VAV3: variants seen among roughly 807,000 people sequenced by gnomAD.
The protein encoded by VAV3 is guanine nucleotide exchange factor VAV3.
In VAV3, 94 loss-of-function variants were observed where a neutral mutation model predicts 131.2. That is an observed-to-expected ratio of 0.72 (90% CI 0.61 to 0.85). VAV3 has a LOEUF of 0.85. VAV3 is among the 40% of genes least tolerant of loss of function. The probability of loss-of-function intolerance (pLI) is 0.00; values close to 1 mark genes in which losing one functional copy is unlikely to be tolerated. For missense variants in VAV3, 939 were observed against 1,002.7 expected (o/e 0.94, Z 0.86); for synonymous variants, 349 against 342.0 (o/e 1.02, Z -0.22).
intron 2 of VAV3, among the ~76,000 whole-genome samples, chr1:107,852,683 A>G (rs1669280121): frequency 6.6e-6 from 1 of 152,178 alleles, no homozygotes; most frequent in Non-Finnish European, 1.5e-5. Context: ...AAATTATTAA[A>G]TTAACATTAT....
At chr1:107,848,399 T>C (rs578182891) in intron 2 of VAV3, among the ~76,000 whole-genome samples, 25 of 151,572 alleles carry the variant, frequency 1.6e-4, no homozygotes, top group South Asian at 2.1e-4. Flanking sequence ...GTTTCATCCC[T>C]GGGATGCAAG....
At chr1:107,586,443 C>T (rs1307125816) in intron 25 of VAV3, among the ~76,000 whole-genome samples, 5 of 151,914 alleles carry the variant, frequency 3.3e-5, no homozygotes, top group Non-Finnish European at 5.9e-5. Flanking sequence ...TGCTTGGATT[C>T]GACTGAAATA....
At chr1:107,697,672 T>C (rs537870231) in intron 17 of VAV3, among the ~76,000 whole-genome samples, 3 of 152,304 alleles carry the variant, frequency 2.0e-5, no homozygotes, top group African/African-American at 7.2e-5. Context: ...ATTTATGACC[T>C]TGTTTCTTCA....
intron 2 of VAV3, among the ~76,000 whole-genome samples, chr1:107,827,141 C>T (rs1302286226): frequency 9.9e-5 from 15 of 151,978 alleles, no homozygotes; most frequent in Non-Finnish European, 1.9e-4. Flanking sequence ...CCTGAACTAC[C>T]TATGACGACA....
chr1:107,947,243 C>T (rs1040238622), intron 1 of VAV3, among the ~76,000 whole-genome samples: 20 of 152,276 alleles, frequency 1.3e-4, no homozygotes, highest in African/African-American at 4.1e-4. Context: ...ACAGACAAAT[C>T]GACAGATTCA....
At chr1:107,638,797 T>C (rs140195348) in intron 20 of VAV3, among the ~76,000 whole-genome samples, 39 of 152,152 alleles carry the variant, frequency 2.6e-4, no homozygotes, top group African/African-American at 9.4e-4. Flanking sequence ...GCTACAGTAA[T>C]CAAGACAGCA....
chr1:107,606,255 A>G (rs1306148283), intron 22 of VAV3, among the ~76,000 whole-genome samples: 1 of 152,158 alleles, frequency 6.6e-6, no homozygotes, highest in Non-Finnish European at 1.5e-5. Flanking sequence ...TAGGTGAGAA[A>G]TTATTTTGCC....
Position 107,766,555 on chromosome 1 carries a change from G to T in VAV3, c.718-5C>A. Reference sequence around the variant, plus strand: ...CCGATGAAGTTTTACAAGTTCCTAAGAAAAGAAAACAATGTGAAAGGAAAG... The same window carrying T: ...CCGATGAAGTTTTACAAGTTCCTAATAAAAGAAAACAATGTGAAAGGAAAG... On this transcript the variant is annotated splice_polypyrimidine_tract_variant and splice_region_variant and intron_variant, in intron 7 of 26. Transcript: ENST00000370056. 6.2e-7 allele frequency: 1 copy of T among 1,607,454 alleles called. No individual in the cohort carries two copies. The highest frequency in any genetic ancestry group is 1.1e-5 in the South Asian group (1 of 90,434).
intron 15 of VAV3, among the ~76,000 whole-genome samples, chr1:107,716,250 C>T (rs190480229): frequency 2.0e-4 from 30 of 152,196 alleles, no homozygotes; most frequent in African/African-American, 6.0e-4. Context: ...AACTTTAAAA[C>T]GTTAAATGTG....
intron 15 of VAV3, among the ~76,000 whole-genome samples, chr1:107,729,808 A>G (rs932558388): frequency 5.3e-5 from 8 of 152,198 alleles, no homozygotes; most frequent in Non-Finnish European, 1.0e-4. Context: ...ATAAATACAA[A>G]AATTATTTTT....
intron 11 of VAV3, among the ~76,000 whole-genome samples, chr1:107,756,618 A>G (rs1664113425): frequency 6.6e-6 from 1 of 151,976 alleles, no homozygotes; most frequent in African/African-American, 2.4e-5. Context: ...TTATTGGCAA[A>G]TATTATTTCG....
intron 1 of VAV3, among the ~76,000 whole-genome samples, chr1:107,899,419 T>A (rs1477949561): frequency 2.6e-5 from 4 of 152,158 alleles, no homozygotes; most frequent in African/African-American, 9.7e-5. Context: ...TTCAACGACC[T>A]TACAGCCCAC....
chr1:107,903,037 C>A (rs186368137), intron 1 of VAV3, among the ~76,000 whole-genome samples: 1 of 152,062 alleles, frequency 6.6e-6, no homozygotes, highest in Non-Finnish European at 1.5e-5. Flanking sequence ...ATTTTAAGGA[C>A]TAGGAAGGGC....
intron 1 of VAV3, among the ~76,000 whole-genome samples, chr1:107,888,954 G>A (rs551192749): frequency 2.9e-4 from 44 of 151,878 alleles, no homozygotes; most frequent in Non-Finnish European, 5.7e-4. Flanking sequence ...TTTTACAATC[G>A]GCGGCTTAGA....
chr1:107,803,184 C>T (rs1042104789), intron 2 of VAV3, among the ~76,000 whole-genome samples: 13 of 151,810 alleles, frequency 8.6e-5, no homozygotes, highest in African/African-American at 2.9e-4. Flanking sequence ...GTTGTTATGT[C>T]GCCTTTCTTG....
chr1:107,943,997 C>G (rs1674126062), intron 1 of VAV3, among the ~76,000 whole-genome samples: 1 of 152,238 alleles, frequency 6.6e-6, no homozygotes, highest in Admixed American at 6.5e-5. Flanking sequence ...GCCTAAACAC[C>G]CATCACAAAC....
At chr1:107,790,119 C>T (rs1251455114) in intron 2 of VAV3, among the ~76,000 whole-genome samples, 1 of 152,222 alleles carries the variant, frequency 6.6e-6, no homozygotes, top group Admixed American at 6.5e-5. Context: ...CAGAGAAAAG[C>T]CTACACTTCT....
intron 25 of VAV3, among the ~76,000 whole-genome samples, chr1:107,589,148 G>C (rs1338348086): frequency 6.6e-6 from 1 of 152,154 alleles, no homozygotes; most frequent in Non-Finnish European, 1.5e-5. Flanking sequence ...AAATTTTAGA[G>C]AAAAGTTTAA....
At chr1:107,778,326 T>C (rs1665480985) in intron 3 of VAV3, among the ~76,000 whole-genome samples, 1 of 152,050 alleles carries the variant, frequency 6.6e-6, no homozygotes, top group Non-Finnish European at 1.5e-5. Flanking sequence ...TTGTAGAAAA[T>C]ATAGATGAGA....
Sources: allele counts gnomAD v4.1 joint callset (sites outside exome capture counted in the v4.1 genomes callset), GRCh38; gene constraint gnomAD v4.1.1; transcripts MANE v1.5; gene names NCBI Gene and HGNC (gene_info 2026-07-23, HGNC 2026-07-21).